ALK: variants seen among roughly 807,000 people sequenced by gnomAD.
The protein encoded by ALK is ALK tyrosine kinase receptor.
In ALK, 74 loss-of-function variants were observed where a neutral mutation model predicts 163.1. That is an observed-to-expected ratio of 0.45 (90% CI 0.38 to 0.55). ALK has a LOEUF of 0.55. Among genes scored for constraint, ALK ranks in the 20% least tolerant of loss-of-function variants. The pLI, the probability that ALK is intolerant of heterozygous loss-of-function variation, is 0.00. For synonymous variants in ALK, 960 were observed against 843.2 expected, an observed-to-expected ratio of 1.14 and a Z score of -2.40; for missense variants, 2,063 against 2,105.3, an observed-to-expected ratio of 0.98 and a Z score of 0.39.
intron 5 of ALK, among the ~76,000 whole-genome samples, chr2:29,361,624 C>T (rs899062331): frequency 1.1e-4 from 16 of 152,188 alleles, no homozygotes; most frequent in Non-Finnish European, 2.4e-4. Flanking sequence ...GGTGCTAGGG[C>T]TTCCCAAGTT....
chr2:29,361,068 G>A (rs1410900654), intron 5 of ALK, among the ~76,000 whole-genome samples: 2 of 152,212 alleles, frequency 1.3e-5, no homozygotes, highest in Non-Finnish European at 1.5e-5. Context: ...AAGTCCCCCT[G>A]GATCTTCCTT....
intron 3 of ALK, among the ~76,000 whole-genome samples, chr2:29,603,033 C>T (rs1178039078): frequency 6.6e-6 from 1 of 152,172 alleles, no homozygotes; most frequent in East Asian, 1.9e-4. Flanking sequence ...GAGGTAGATT[C>T]AAAGATTTTC....
chr2:29,250,982 T>A (rs1664799735), intron 12 of ALK, 123 bp downstream of exon 12: 4 of 956,698 alleles, frequency 4.2e-6, no homozygotes, highest in Middle Eastern at 3.0e-4. Context: ...CCTATGGGCC[T>A]GAGTCTGTTG....
intron 1 of ALK, among the ~76,000 whole-genome samples, chr2:29,877,382 G>C (rs573012944): frequency 9.9e-5 from 15 of 152,180 alleles, no homozygotes; most frequent in African/African-American, 3.6e-4. Flanking sequence ...GAGCACCACT[G>C]TCCTATCACT....
intron 26 of ALK, among the ~76,000 whole-genome samples, chr2:29,200,449 C>G (rs968451484): frequency 5.3e-5 from 8 of 151,974 alleles, no homozygotes; most frequent in Non-Finnish European, 1.5e-5. Context: ...GCAAACAATA[C>G]CAGATACCTA....
intron 1 of ALK, among the ~76,000 whole-genome samples, chr2:29,883,913 T>C (rs1337333552): frequency 6.6e-6 from 1 of 152,226 alleles, no homozygotes; most frequent in Non-Finnish European, 1.5e-5. Context: ...TATATGTAGA[T>C]ACTAGTCTAT....
At chr2:29,527,830 A>G (rs1672998269) in intron 4 of ALK, among the ~76,000 whole-genome samples, 1 of 151,916 alleles carries the variant, frequency 6.6e-6, no homozygotes, top group South Asian at 2.1e-4. Flanking sequence ...CTGCAGTTTG[A>G]CCTTCATCAC....
rs184903803 is a variant in ALK at position 29,799,486 on chromosome 2, G to A, written c.668-81789C>T. Among the ~76,000 whole-genome samples, 20 of 152,008 alleles carry A rather than the reference G, an allele frequency of 1.3e-4. No individual in the cohort carries two copies. The East Asian group carries it at 3.7e-3, about 28-fold the overall frequency. On this transcript the variant is annotated intron_variant, in intron 1 of 28. Coordinates refer to ENST00000389048, the MANE Select transcript of ALK (RefSeq NM_004304.5). ...GTTTGAGACCAGCCTGGGAAACACA[G>A]TGGGATCCTGTCTCAAAACAAAACA...
intron 1 of ALK, among the ~76,000 whole-genome samples, chr2:29,824,627 C>T (rs927277495): frequency 6.6e-6 from 1 of 152,244 alleles, no homozygotes; most frequent in African/African-American, 2.4e-5. Context: ...GGATTTCAAA[C>T]TTGCACAGGG....
intron 3 of ALK, among the ~76,000 whole-genome samples, chr2:29,603,418 G>A (rs997612626): frequency 2.6e-5 from 4 of 152,190 alleles, no homozygotes; most frequent in African/African-American, 4.8e-5. Flanking sequence ...GTCATGTGAT[G>A]CTACACTAGA....
chr2:29,786,645 G>C (rs905009610), intron 1 of ALK, among the ~76,000 whole-genome samples: 1 of 152,208 alleles, frequency 6.6e-6, no homozygotes, highest in African/African-American at 2.4e-5. Context: ...CCGACTGTAG[G>C]AGGTCAGAGT....
At chr2:29,697,438 G>GT (rs1335215219) in intron 2 of ALK, among the ~76,000 whole-genome samples, 18 of 152,190 alleles carry the variant, frequency 1.2e-4, no homozygotes, top group Admixed American at 6.5e-4. Context: ...ATGATTCCAC[G>GT]TTTGCCCCAC....
intron 1 of ALK, among the ~76,000 whole-genome samples, chr2:29,851,874 G>A (rs1666002889): frequency 6.6e-6 from 1 of 152,212 alleles, no homozygotes; most frequent in South Asian, 2.1e-4. Context: ...GGCATAGACT[G>A]CTCCTTCTTT....
intron 4 of ALK, among the ~76,000 whole-genome samples, chr2:29,502,102 C>T (rs186888941): frequency 3.9e-5 from 6 of 152,298 alleles, no homozygotes; most frequent in African/African-American, 1.4e-4. Context: ...TTTTAATGAG[C>T]TCCTCTTTGC....
At chr2:29,360,057 T>A (rs1668352183) in intron 5 of ALK, among the ~76,000 whole-genome samples, 1 of 152,192 alleles carries the variant, frequency 6.6e-6, no homozygotes, top group Non-Finnish European at 1.5e-5. Context: ...AGAACCTTTT[T>A]CTAAGAATGT....
chr2:29,194,193 C>G (rs1302988560), intron 28 of ALK, among the ~76,000 whole-genome samples: 3 of 151,482 alleles, frequency 2.0e-5, no homozygotes, highest in African/African-American at 7.3e-5. Flanking sequence ...GAGGAGGAGA[C>G]CTTTGGCCAG....
intron 6 of ALK, among the ~76,000 whole-genome samples, chr2:29,323,249 GT>G (rs1667131039): frequency 6.6e-6 from 1 of 152,200 alleles, no homozygotes; most frequent in Non-Finnish European, 1.5e-5. Context: ...AGTGGTGGTA[GT>G]GTTATTAATT....
chr2:29,695,768 T>A lies in ALK; in HGVS notation c.788-754A>T, dbSNP rs985488353. ...GGCCAACAAACATATGAAAAAAAGCTCATCATTACTGGTCATTAGAGAAAT... is the reference window on the plus strand; with the variant it reads ...GGCCAACAAACATATGAAAAAAAGCACATCATTACTGGTCATTAGAGAAAT... On this transcript the variant is annotated intron_variant, in intron 2 of 28. Transcript: ENST00000389048. Among the ~76,000 whole-genome samples the A allele has an allele frequency of 1.2e-4, 18 of 152,202 alleles. 1 individual carries two copies. The highest frequency in any genetic ancestry group is 1.0e-3 in the Admixed American group (16 of 15,300).
chr2:29,193,458 A>G lies in ALK; in HGVS notation c.4629T>C (p.Pro1543=), dbSNP rs2148137702. 6.2e-7 allele frequency: 1 copy of G among 1,614,192 alleles called. No individual in the cohort carries two copies. Among genetic ancestry groups the G allele is most frequent in the Non-Finnish European group, 8.5e-7 (1 of 1,180,030 alleles). The change falls in exon 29 of 29, where the codon CCT becomes CCC. Residue 1543 remains proline (P), a synonymous_variant. Coordinates refer to ENST00000389048, the MANE Select transcript of ALK (RefSeq NM_004304.5). ...LGLEGSCTVP[P]NVATGRLPGA... The stretch of plus-strand genomic sequence containing the variant: ...CCGGAAGTCTCCCAGTTGCAACGTT[A>G]GGTGGGACAGTACAGCTTCCCTCCA...
Sources: gnomAD v4.1 joint callset for allele counts (sites outside exome capture counted in the v4.1 genomes callset) on GRCh38, gnomAD v4.1.1 for gene constraint, MANE v1.5 for transcripts, NCBI Gene and HGNC (gene_info 2026-07-23, HGNC 2026-07-21) for gene names.